Variants in GANC observed in about 807,000 individuals in gnomAD.
The protein encoded by GANC is glucosidase alpha, neutral C.
In GANC, 117 loss-of-function variants were observed where a neutral mutation model predicts 124.2. That is an observed-to-expected ratio of 0.94 (90% CI 0.81 to 1.10). The LOEUF is 1.10. Ranked by LOEUF, GANC falls within the 50% of genes least tolerant of loss-of-function variation. GANC has a pLI of 0.00. For missense variants in GANC, 1,140 were observed against 1,095.0 expected (o/e 1.04, Z -0.58); for synonymous variants, 377 against 376.8 (o/e 1.00, Z -0.01).
At chr15:42,302,174 C>T (rs1312874956) in intron 6 of GANC, among the ~76,000 whole-genome samples, 2 of 152,196 alleles carry the variant, frequency 1.3e-5, no homozygotes, top group Non-Finnish European at 2.9e-5. Flanking sequence ...GCAATCTTTG[C>T]TGTTCTGCAG....
At chr15:42,331,714 T>A (rs2052246981) in intron 15 of GANC, among the ~76,000 whole-genome samples, 1 of 152,056 alleles carries the variant, frequency 6.6e-6, no homozygotes, top group Non-Finnish European at 1.5e-5. Flanking sequence ...AGAAAGAAAA[T>A]CTAAATACAT....
In GANC at chr15:42,287,697, C is replaced by T. The variant is rs940330694; in HGVS notation, c.208C>T (p.Leu70Phe). The T allele has an allele frequency of 6.2e-7, 1 of 1,611,216 alleles. No individual in the cohort carries two copies. Among genetic ancestry groups the T allele is most frequent in the Middle Eastern group, 1.7e-4 (1 of 6,046 alleles). Residue 70 changes from leucine (L) to phenylalanine (F), a missense_variant, in exon 4 of 24, where the codon CTC becomes TTC. Physicochemically the swap from Leu to Phe is conservative, Grantham distance 22. Transcript: ENST00000318010. The part of the protein sequence containing the change: ...QIINEASKVP[L>F]LAEIYGIEGN... ...CTCTTGTATCTGTTTCCAGGTTCCT[C>T]TCCTGGCTGAAATTTATGGTATAGA... is the stretch of plus-strand genomic sequence containing the variant.
chr15:42,343,392 T>A (rs182084223), intron 19 of GANC: 41 of 492,764 alleles, frequency 8.3e-5, no homozygotes, highest in African/African-American at 7.8e-5. Flanking sequence ...TTTTTAGTCT[T>A]CACACTTTGA....
chr15:42,339,640 T>A (rs768739860), intron 16 of GANC, 29 bp from the exon 17 acceptor site: 80 of 1,604,198 alleles, frequency 5.0e-5, no homozygotes, highest in Non-Finnish European at 6.5e-5. Flanking sequence ...AAAGCTTGGT[T>A]GCCTCACTTG....
At chr15:42,292,608 C>G (rs919624926) in intron 4 of GANC, 127 bp from the exon 5 acceptor site, 36 of 879,868 alleles carry the variant, frequency 4.1e-5, no homozygotes, top group South Asian at 2.0e-4. Flanking sequence ...TAACTTTTCT[C>G]TGTTGCCTTA....
chr15:42,342,961 C>T (rs2141077160), intron 18 of GANC, 117 bp from the exon 19 acceptor site: 1 of 777,634 alleles, frequency 1.3e-6, no homozygotes, highest in South Asian at 1.6e-5. Context: ...TCTGCCTCTC[C>T]AAAGTTCACA....
chr15:42,339,570 A>T, intron 16 of GANC, 99 bp from the exon 17 acceptor site: 1 of 1,369,014 alleles, frequency 7.3e-7, no homozygotes, highest in Non-Finnish European at 1.0e-6. Flanking sequence ...AAGTGCATAT[A>T]CTGCACTTTT....
chr15:42,343,801 A>G (rs1595785380), intron 19 of GANC, among the ~76,000 whole-genome samples: 2 of 152,256 alleles, frequency 1.3e-5, no homozygotes, highest in East Asian at 3.9e-4. Context: ...CAGGCCACAG[A>G]TAAATCCAGA....
chr15:42,325,419 G>T lies in GANC; in HGVS notation c.1294-879G>T, dbSNP rs2052191252. On this transcript the variant is annotated intron_variant, in intron 11 of 23. Coordinates refer to ENST00000318010, the MANE Select transcript of GANC (RefSeq NM_198141.3). ...AAAGTGTTATTGAGGCCCTAGACTG[G>T]TGGAAGTGATGGTATTGTAAAGTCA... Among the ~76,000 whole-genome samples, 3 of 152,224 alleles carry T rather than the reference G, an allele frequency of 2.0e-5. No homozygotes were observed. In the South Asian group the frequency reaches 6.2e-4, roughly 32 times the overall value.
At chr15:42,282,515 AGGATCAT>A (rs2051743985) in intron 3 of GANC, among the ~76,000 whole-genome samples, 1 of 152,176 alleles carries the variant, frequency 6.6e-6, no homozygotes. Flanking sequence ...AGAGTCTAAG[AGGATCAT>A]ATTCAGCTCA....
intron 22 of GANC, among the ~76,000 whole-genome samples, chr15:42,350,877 T>C (rs2052427735): frequency 7.0e-6 from 1 of 142,918 alleles, no homozygotes; most frequent in Middle Eastern, 3.9e-3. Flanking sequence ...ATTATTATTA[T>C]TATTATTATT....
intron 15 of GANC, 108 bp downstream of exon 15, chr15:42,330,780 T>C (rs1320379008): frequency 1.8e-5 from 13 of 708,478 alleles, no homozygotes; most frequent in Non-Finnish European, 2.8e-5. Flanking sequence ...CTTTTTTTTT[T>C]TTTTTTTTTT....
chr15:42,277,085 T>TA (rs1377351380), intron 2 of GANC, among the ~76,000 whole-genome samples: 10 of 152,226 alleles, frequency 6.6e-5, no homozygotes, highest in Non-Finnish European at 1.5e-4. Context: ...GAGCTATACA[T>TA]AGGTCATTTT....
intron 10 of GANC, among the ~76,000 whole-genome samples, chr15:42,316,557 C>G (rs924720216): frequency 6.6e-6 from 1 of 152,192 alleles, no homozygotes; most frequent in African/African-American, 2.4e-5. Flanking sequence ...GACTTTAAGA[C>G]TTTCACTATT....
chr15:42,312,870 G>T (rs1445784931), intron 10 of GANC, among the ~76,000 whole-genome samples: 1 of 151,692 alleles, frequency 6.6e-6, no homozygotes, highest in Admixed American at 6.6e-5. Flanking sequence ...ACAAGGCGAG[G>T]TGGAGGTTGC....
In GANC at chr15:42,273,545, T is replaced by A. The variant is rs2051610389; in HGVS notation, c.-937T>A. 2 of 1,365,346 alleles carry A rather than the reference T, an allele frequency of 1.5e-6. No individual in the cohort carries two copies. The highest frequency in any genetic ancestry group is 2.4e-5 in the Admixed American group (1 of 41,490). The allele number at this position is 1,365,346 out of a possible 1,614,324, so 84.6% of individuals were successfully genotyped here. ...GCTGTGCGGCGTAGCGGCCCCTCTCTCAGACAGTCGTCTGTGCGCCGTGAG... is the reference window on the plus strand; with the variant it reads ...GCTGTGCGGCGTAGCGGCCCCTCTCACAGACAGTCGTCTGTGCGCCGTGAG... On this transcript the variant is annotated 5_prime_UTR_variant, in exon 1 of 24. Coordinates refer to ENST00000318010, the MANE Select transcript of GANC (RefSeq NM_198141.3).
chr15:42,338,791 G>A (rs1310754737), intron 16 of GANC, among the ~76,000 whole-genome samples: 3 of 146,582 alleles, frequency 2.0e-5, no homozygotes, highest in Admixed American at 2.0e-4. Context: ...CTTCCTGACA[G>A]CTATCTTTTC....
chr15:42,274,396 A>G lies in GANC; in HGVS notation c.-86A>G. ...ACGATGAAGTACTGGTTGTAATTTT[A>G]GAAAGACACCCAATCGGCTTTTTTA... On this transcript the variant is annotated 5_prime_UTR_variant, in exon 1 of 24. Coordinates refer to ENST00000318010, the MANE Select transcript of GANC (RefSeq NM_198141.3). The G allele has an allele frequency of 7.1e-7, 1 of 1,418,018 alleles. No homozygotes were observed. The highest frequency in any genetic ancestry group is 2.4e-5 in the East Asian group (1 of 41,268). 87.8% of individuals were successfully genotyped at this position (1,418,018 alleles called of 1,614,324 possible). A position where few individuals can be genotyped will look rare whatever the true frequency, so the allele number is the denominator to read the frequency against.
Position 42,306,537 on chromosome 15 carries a change from T to C in GANC, c.559-9T>C. The C allele has an allele frequency of 1.9e-6, 3 of 1,608,224 alleles. No homozygotes were observed. The highest frequency in any genetic ancestry group is 2.5e-6 in the Non-Finnish European group (3 of 1,177,974). On this transcript the variant is annotated splice_polypyrimidine_tract_variant and intron_variant, in intron 6 of 23. Coordinates refer to ENST00000318010, the MANE Select transcript of GANC (RefSeq NM_198141.3). ...TAAACTCAGTTTGCTCCCTTTTTTG[T>C]ACCAACAGGAAAATCAAGAAGATCT...
Sources: gnomAD v4.1 joint callset for allele counts (sites outside exome capture counted in the v4.1 genomes callset) on GRCh38, gnomAD v4.1.1 for gene constraint, MANE v1.5 for transcripts, NCBI Gene and HGNC (gene_info 2026-07-23, HGNC 2026-07-21) for gene names.